Variants in ANK3 observed in about 807,000 individuals in gnomAD.
ANK3 encodes the protein ankyrin 3.
In ANK3, 57 loss-of-function variants were observed where a neutral mutation model predicts 370.9. The ratio of observed to expected loss-of-function variants is 0.15; its 90% CI spans 0.12 to 0.19. ANK3 has a LOEUF of 0.19. Ranked by LOEUF, ANK3 falls within the 10% of genes least tolerant of loss-of-function variation. The pLI is 1.00. For missense variants in ANK3, 4,439 were observed against 5,302.1 expected (o/e 0.84, Z 5.06); for synonymous variants, 1,929 against 1,946.3 (o/e 0.99, Z 0.23).
intron 2 of ANK3, among the ~76,000 whole-genome samples, chr10:60,480,810 G>T (rs2075193103): frequency 6.6e-6 from 1 of 152,150 alleles, no homozygotes; most frequent in African/African-American, 2.4e-5. Context: ...CAAGCTCTGT[G>T]CAAACTCTGA....
In ANK3 at chr10:60,071,604, G is replaced by T. The variant is rs770512838; in HGVS notation, c.9277C>A (p.Pro3093Thr). 2.5e-6 allele frequency: 4 copies of T among 1,613,728 alleles called. No individual in the cohort carries two copies. Among genetic ancestry groups the T allele is most frequent in the South Asian group, 1.1e-5 (1 of 91,040 alleles). Residue 3093 changes from proline (P) to threonine (T), a missense_variant, in exon 37 of 44, where the codon CCC becomes ACC. Physicochemically the swap from Pro to Thr is conservative, Grantham distance 38. Around this residue, in one of 13 missense-constraint regions of ANK3, gnomAD observed 1,601 missense variants for 1,731.7 expected, o/e 0.92. Coordinates refer to ENST00000280772, the MANE Select transcript of ANK3 (RefSeq NM_020987.5). ...ACTTGTACAAAACTGACATAAACGG[G>T]TAAAGTTTTTATCTCTTTCCCTCCC... is the stretch of plus-strand genomic sequence containing the variant. ...TEGGKEIKTL[P>T]VYVSFVQVGK...
chr10:60,714,769 G>A (rs1253409900), intron 1 of ANK3, among the ~76,000 whole-genome samples: 1 of 152,118 alleles, frequency 6.6e-6, no homozygotes, highest in Admixed American at 6.5e-5. Flanking sequence ...AAGGCCAATT[G>A]CTTAAGCCCC....
chr10:60,027,268 G>A lies in ANK3; in HGVS notation c.*2578C>T, dbSNP rs2072447966. 1 of 147,446 alleles carries A rather than the reference G, an allele frequency of 6.8e-6. No individual in the cohort carries two copies. Among genetic ancestry groups the A allele is most frequent in the Non-Finnish European group, 1.5e-5 (1 of 67,284 alleles). 9.1% of individuals were successfully genotyped at this position (147,446 alleles called of 1,614,324 possible). A position where few individuals can be genotyped will look rare whatever the true frequency, so the allele number is the denominator to read the frequency against. ...CCTATATTCTGATCCTGGCTTTACA[G>A]AGAGGCATTTTGGGAAAGTTTTTTT... On this transcript the variant is annotated 3_prime_UTR_variant, in exon 44 of 44. Transcript: ENST00000280772.
At chr10:60,634,832 G>A (rs1283243309) in intron 1 of ANK3, among the ~76,000 whole-genome samples, 1 of 151,870 alleles carries the variant, frequency 6.6e-6, no homozygotes, top group Non-Finnish European at 1.5e-5. Context: ...ACCTTTATGA[G>A]CTGTTAACAC....
chr10:60,186,482 C>T (rs2096337213), intron 17 of ANK3: 1 of 563,378 alleles, frequency 1.8e-6, no homozygotes, highest in African/African-American at 1.9e-5. Context: ...TCCCAAAGTG[C>T]TAGGATTAAA....
At chr10:60,652,814 A>G (rs1273862487) in intron 1 of ANK3, among the ~76,000 whole-genome samples, 1 of 152,138 alleles carries the variant, frequency 6.6e-6, no homozygotes, top group African/African-American at 2.4e-5. Context: ...AACGAAACCA[A>G]TATCAAAAAC....
intron 25 of ANK3, among the ~76,000 whole-genome samples, chr10:60,117,040 G>A (rs767363812): frequency 3.5e-4 from 54 of 152,192 alleles, no homozygotes; most frequent in Non-Finnish European, 4.4e-4. Flanking sequence ...AAAGGCAATA[G>A]AGCAATTCCT....
Position 60,596,143 on chromosome 10 carries a change from C to T in ANK3, c.96+19043G>A, listed in dbSNP as rs143558147. 5.9e-5 allele frequency among the ~76,000 whole-genome samples: 9 copies of T among 152,230 alleles called. No homozygotes were observed. The East Asian group carries it at 1.5e-3, about 26-fold the overall frequency. ...TGGATTTTACCCGACATGAATAAGA[C>T]TATGATACAAATAAGAATATAACAC... is the stretch of plus-strand genomic sequence containing the variant. On this transcript the variant is annotated intron_variant, in intron 2 of 43. Transcript: ENST00000373827.
Position 60,423,130 on chromosome 10 carries a change from T to A in ANK3, c.97-143491A>T, listed in dbSNP as rs114417441. 6.1e-3 allele frequency among the ~76,000 whole-genome samples: 927 copies of A among 152,090 alleles called. 12 individuals are homozygous for A. Among genetic ancestry groups the A allele is most frequent in the African/African-American group, 0.02 (840 of 41,510 alleles). On this transcript the variant is annotated intron_variant, in intron 2 of 43. Coordinates refer to the ANK3 transcript ENST00000373827. ...TTTAAAAGACCCATAAGGAAGTAGT[T>A]TTTGTCTACGTGAAAACCAATCTAG...
chr10:60,556,857 G>A (rs904883205), intron 2 of ANK3, among the ~76,000 whole-genome samples: 1 of 152,192 alleles, frequency 6.6e-6, no homozygotes, highest in Non-Finnish European at 1.5e-5. Flanking sequence ...GTGAGTGGTG[G>A]GTAGTGAGCA....
At chr10:60,681,620 T>C (rs573529241) in intron 1 of ANK3, among the ~76,000 whole-genome samples, 2 of 152,324 alleles carry the variant, frequency 1.3e-5, no homozygotes, top group Admixed American at 1.3e-4. Flanking sequence ...GTATCCTATG[T>C]GGCTGCATTC....
chr10:60,215,159 T>C (rs763219502), intron 8 of ANK3, among the ~76,000 whole-genome samples: 3 of 152,206 alleles, frequency 2.0e-5, no homozygotes, highest in Non-Finnish European at 4.4e-5. Context: ...ATAAATGTCT[T>C]CTTTTGAGAA....
At chr10:60,081,403 C>T (rs936048830) in intron 35 of ANK3, 1 of 338,494 alleles carries the variant, frequency 3.0e-6, no homozygotes, top group South Asian at 2.4e-5. Context: ...GCCAGAGGTA[C>T]TATTACTGCA....
At chr10:60,460,026 G>T (rs1270620548) in intron 2 of ANK3, among the ~76,000 whole-genome samples, 1 of 152,052 alleles carries the variant, frequency 6.6e-6, no homozygotes, top group Admixed American at 6.6e-5. Context: ...TGGCAGAATG[G>T]TTTTCTCACC....
At chr10:60,190,237 G>T (rs1285929319) in intron 16 of ANK3, among the ~76,000 whole-genome samples, 2 of 152,202 alleles carry the variant, frequency 1.3e-5, no homozygotes, top group Non-Finnish European at 2.9e-5. Context: ...AAGGACAAAG[G>T]ATGTGATCTG....
intron 1 of ANK3, 29 bp downstream of exon 1, chr10:60,389,396 A>C: frequency 6.3e-7 from 1 of 1,596,404 alleles, no homozygotes; most frequent in Non-Finnish European, 8.6e-7. Flanking sequence ...GAATCCAGGC[A>C]AGATATATGC....
At chr10:60,711,905 G>A (rs1381471499) in intron 1 of ANK3, among the ~76,000 whole-genome samples, 2 of 152,162 alleles carry the variant, frequency 1.3e-5, no homozygotes, top group Non-Finnish European at 2.9e-5. Flanking sequence ...CTGCACACAA[G>A]CAAAACAGTG....
rs1267308933 is a variant in ANK3, at chr10:60,134,325, G to A, written c.2787C>T (p.Ser929=). ...SDRSYTLNRS[S]YARDSMMIEE... is the part of the protein sequence containing the mutation. ...CAATCATCATGCTGTCCCGTGCATA[G>A]GAGCTTCTGTTCAAGGTGTAAGACC... Residue 929 remains serine (S), a synonymous_variant, in exon 25 of 44, where the codon TCC becomes TCT. Coordinates refer to ENST00000280772, the MANE Select transcript of ANK3 (RefSeq NM_020987.5). 3 of 1,613,942 alleles carry A rather than the reference G, an allele frequency of 1.9e-6. No individual in the cohort carries two copies. Among genetic ancestry groups the A allele is most frequent in the East Asian group, 2.2e-5 (1 of 44,828 alleles).
chr10:60,062,931 C>T (rs2080888770), intron 40 of ANK3, 180 bp downstream of exon 40: 1 of 556,330 alleles, frequency 1.8e-6, no homozygotes, highest in Admixed American at 3.3e-5. Context: ...TGTATATAAA[C>T]AGAGGTATTT....
Sources: allele counts gnomAD v4.1 joint callset (sites outside exome capture counted in the v4.1 genomes callset), GRCh38; gene constraint gnomAD v4.1.1; regional missense constraint gnomAD v4.1.1; transcripts MANE v1.5; gene names NCBI Gene and HGNC (gene_info 2026-07-23, HGNC 2026-07-21).